NCBP1: variants seen among roughly 807,000 people sequenced by gnomAD.
The protein encoded by NCBP1 is nuclear cap-binding protein subunit 1.
Under a neutral mutation model 111.7 loss-of-function variants are expected in NCBP1, and 16 were observed. The ratio of observed to expected loss-of-function variants is 0.14; its 90% CI spans 0.10 to 0.22. NCBP1 has a LOEUF of 0.22. Ranked by LOEUF, NCBP1 falls within the 10% of genes least tolerant of loss-of-function variation. The pLI is 1.00. For synonymous variants in NCBP1, 304 were observed against 314.3 expected (o/e 0.97, Z 0.35); for missense variants, 607 against 957.5 (o/e 0.63, Z 4.83).
At position 97,633,856 on chromosome 9, in the gene NCBP1, G is replaced by A; in HGVS notation, c.-26G>A. On this transcript the variant is annotated 5_prime_UTR_variant, in exon 1 of 23. Transcript: ENST00000375147. ...TGCAGCGCTTACCGCCTGGCCTCTC[G>A]GTTCCGCGGCGCACCGGAGGGCAGC... The A allele has an allele frequency of 1.3e-6, 2 of 1,577,208 alleles. No individual in the cohort carries two copies. The highest frequency in any genetic ancestry group is 1.7e-6 in the Non-Finnish European group (2 of 1,168,508).
In NCBP1 at chr9:97,660,908, T is replaced by G. The variant is rs73498374; in HGVS notation, c.1478-38T>G. ...TGTTCATTAGAATAGTCTTGAAACC[T>G]GATCTGTCATTCCCCTTACCCCCAA... On this transcript the variant is annotated intron_variant, in intron 15 of 22. Coordinates refer to ENST00000375147, the MANE Select transcript of NCBP1 (RefSeq NM_002486.5). The G allele has an allele frequency of 1.9e-3, 2,925 of 1,573,896 alleles. 51 individuals carry two copies. The African/African-American group carries it at 0.036, about 19-fold the overall frequency.
chr9:97,665,173 T>C (rs1827957471), intron 19 of NCBP1, among the ~76,000 whole-genome samples: 2 of 152,248 alleles, frequency 1.3e-5, no homozygotes, highest in Admixed American at 6.5e-5. Flanking sequence ...ATCAGAAATA[T>C]ACTGAATTGT....
chr9:97,671,224 G>GT lies in NCBP1; in HGVS notation c.*33dup, dbSNP rs554720009. 231 of 1,478,932 alleles carry GT rather than the reference G, an allele frequency of 1.6e-4. 1 individual carries two copies. Among genetic ancestry groups the GT allele is most frequent in the African/African-American group, 1.4e-3 (102 of 70,406 alleles). The allele number at this position is 1,478,932 out of a possible 1,614,324, so 91.6% of individuals were successfully genotyped here. A position where few individuals can be genotyped will look rare whatever the true frequency, so the allele number is the denominator to read the frequency against. On this transcript the variant is annotated 3_prime_UTR_variant, in exon 23 of 23. Coordinates refer to ENST00000375147, the MANE Select transcript of NCBP1 (RefSeq NM_002486.5). Reference sequence around the variant, plus strand: ...AGGGTCATTTTTTCCTCATGTCAAGGTTTTTTTTGATATCTTAAAATAATT... The same window carrying GT: ...AGGGTCATTTTTTCCTCATGTCAAGGTTTTTTTTTGATATCTTAAAATAATT...
chr9:97,637,512 G>A (rs1827078762), intron 1 of NCBP1, among the ~76,000 whole-genome samples: 1 of 152,192 alleles, frequency 6.6e-6, no homozygotes, highest in Admixed American at 6.5e-5. Flanking sequence ...AAGCTTCTTA[G>A]AATTAGGTCC....
intron 6 of NCBP1, among the ~76,000 whole-genome samples, chr9:97,646,688 T>C (rs1287186470): frequency 2.0e-5 from 3 of 151,758 alleles, no homozygotes; most frequent in Admixed American, 6.6e-5. Context: ...AATACAAAAA[T>C]TAGCCGAGCG....
At chr9:97,648,620 CATGTT>C (rs1196234764) in intron 8 of NCBP1, among the ~76,000 whole-genome samples, 3 of 152,184 alleles carry the variant, frequency 2.0e-5, no homozygotes, top group Admixed American at 6.5e-5. Flanking sequence ...GTATATATCT[CATGTT>C]ATGAGGATTA....
At chr9:97,669,988 T>C in intron 22 of NCBP1, 1 of 438,960 alleles carries the variant, frequency 2.3e-6, no homozygotes, top group East Asian at 5.0e-5. Context: ...AGTGACACGA[T>C]CTCAGCTCAC....
At chr9:97,640,763 G>A in intron 1 of NCBP1, 31 bp from the exon 2 acceptor site, 1 of 1,524,430 alleles carries the variant, frequency 6.6e-7, no homozygotes, top group Non-Finnish European at 9.0e-7. Context: ...GATTTATCAT[G>A]TAATGTTAAT....
intron 3 of NCBP1, among the ~76,000 whole-genome samples, chr9:97,642,281 CTTGT>C (rs1054838115): frequency 2.0e-4 from 30 of 151,966 alleles, no homozygotes; most frequent in African/African-American, 7.3e-4. Context: ...TGTTGGAAGC[CTTGT>C]TTGTTTAAGG....
chr9:97,670,790 T>TA (rs1554698030), intron 22 of NCBP1, among the ~76,000 whole-genome samples: 8 of 152,216 alleles, frequency 5.3e-5, no homozygotes, highest in Non-Finnish European at 1.2e-4. Flanking sequence ...TAGTCCGTAA[T>TA]AGTACTAGGA....
intron 1 of NCBP1, among the ~76,000 whole-genome samples, chr9:97,638,079 G>A (rs945691480): frequency 6.6e-6 from 1 of 152,130 alleles, no homozygotes; most frequent in Admixed American, 6.5e-5. Context: ...TACATTGAGC[G>A]AATTCCCCAA....
chr9:97,669,011 CA>C, intron 21 of NCBP1, 37 bp downstream of exon 21: 1 of 1,531,414 alleles, frequency 6.5e-7, no homozygotes, highest in South Asian at 1.2e-5. Context: ...TAAAAGGAAA[CA>C]ATACATTTCT....
Position 97,671,457 on chromosome 9 carries a change from A to G in NCBP1, c.*258A>G, listed in dbSNP as rs1828191420. On this transcript the variant is annotated 3_prime_UTR_variant, in exon 23 of 23. Transcript: ENST00000375147. The stretch of plus-strand genomic sequence containing the variant: ...ACAAATTCTCTGTGATCAGTTTGTT[A>G]TTTTTTTTCTCCTTAAGGCACAAAA... The G allele has an allele frequency of 2.8e-6, 1 of 363,330 alleles. No individual in the cohort carries two copies. Among genetic ancestry groups the G allele is most frequent in the African/African-American group, 2.1e-5 (1 of 46,938 alleles). 22.5% of individuals were successfully genotyped at this position (363,330 alleles called of 1,614,324 possible).
At chr9:97,653,995 G>A in intron 11 of NCBP1, 87 bp downstream of exon 11, 1 of 1,211,192 alleles carries the variant, frequency 8.3e-7, no homozygotes, top group Non-Finnish European at 1.2e-6. Context: ...TTTAAATTTT[G>A]TAGGTAAAAA....
At chr9:97,650,640 C>G (rs754195811) in intron 9 of NCBP1, 40 bp downstream of exon 9, 6 of 1,557,450 alleles carry the variant, frequency 3.9e-6, no homozygotes, top group Non-Finnish European at 5.3e-6. Flanking sequence ...GGGAGAGAAG[C>G]AGCAATTTTG....
At chr9:97,649,664 T>C (rs1827444033) in intron 8 of NCBP1, among the ~76,000 whole-genome samples, 1 of 152,170 alleles carries the variant, frequency 6.6e-6, no homozygotes, top group African/African-American at 2.4e-5. Context: ...GTCAAAATTA[T>C]GTAATGATCT....
intron 1 of NCBP1, among the ~76,000 whole-genome samples, chr9:97,637,077 G>T (rs1270444436): frequency 6.6e-6 from 1 of 152,134 alleles, no homozygotes; most frequent in Non-Finnish European, 1.5e-5. Flanking sequence ...CTGGAGCAGA[G>T]TGAGTGAGGG....
chr9:97,671,195 C>G lies in NCBP1; in HGVS notation c.2369C>G (p.Ala790Gly), dbSNP rs749986117. 1.3e-6 allele frequency: 2 copies of G among 1,586,752 alleles called. No individual in the cohort carries two copies. The highest frequency in any genetic ancestry group is 1.7e-6 in the Non-Finnish European group (2 of 1,162,864). The change falls in exon 23 of 23, where the codon GCC (alanine) becomes GGC (glycine). Residue 790 changes from alanine (A) to glycine (G), a missense_variant. Physicochemically the swap from Ala to Gly is moderately conservative, Grantham distance 60. Transcript: ENST00000375147. ...AVFQQFCALQA is the reference protein window; with the variant it reads ...AVFQQFCALQG The stretch of plus-strand genomic sequence containing the variant: ...TTCCAGCAGTTCTGTGCCCTGCAGG[C>G]CTAAGGGTCATTTTTTCCTCATGTC...
At chr9:97,639,161 G>T (rs945483900) in intron 1 of NCBP1, among the ~76,000 whole-genome samples, 5 of 152,084 alleles carry the variant, frequency 3.3e-5, no homozygotes, top group African/African-American at 4.8e-5. Flanking sequence ...TGCTGCATGC[G>T]TATTATACTT....
Sources: gnomAD v4.1 joint callset for allele counts (sites outside exome capture counted in the v4.1 genomes callset) on GRCh38, gnomAD v4.1.1 for gene constraint, MANE v1.5 for transcripts, NCBI Gene and HGNC (gene_info 2026-07-23, HGNC 2026-07-21) for gene names.